ZNF324B: variants seen among roughly 807,000 people sequenced by gnomAD.
ZNF324B encodes the protein zinc finger protein 324B.
Under a neutral mutation model 10.6 loss-of-function variants are expected in ZNF324B, and 7 were observed. The observed-to-expected ratio is 0.66, with a 90% CI of 0.38 to 1.24. The LOEUF is 1.24. Ranked by LOEUF, ZNF324B falls within the 50% of genes most tolerant of loss-of-function variation. The pLI is 0.02. For missense variants in ZNF324B, 640 were observed against 764.7 expected (o/e 0.84, Z 1.92); for synonymous variants, 316 against 321.0 (o/e 0.98, Z 0.17).
At chr19:58,450,367 A>T (rs1377841891), upstream of ZNF324B, among the ~76,000 whole-genome samples, 1 of 151,888 alleles carries the variant, frequency 6.6e-6, no homozygotes, top group Admixed American at 6.6e-5. Context: ...TGGGAGGCTG[A>T]AGTTGGAGGA....
chr19:58,435,350 G>A, the ZNF324B span: 2 of 934,584 alleles, frequency 2.1e-6, no homozygotes, highest in Admixed American at 2.9e-5. Context: ...CATCATCAGG[G>A]TGAAGAAGGG....
At chr19:58,432,962 G>C in the ZNF324B span, 1 of 170,722 alleles carries the variant, frequency 5.9e-6, no homozygotes, top group Non-Finnish European at 1.2e-5. Flanking sequence ...ATCTTCCTGA[G>C]CTCAAATTAG....
the ZNF324B span, chr19:58,434,898 G>A: frequency 6.2e-7 from 1 of 1,614,162 alleles, no homozygotes; most frequent in Admixed American, 1.7e-5. Context: ...GGACTTTAGA[G>A]CTCTTCATAA....
intron 1 of ZNF324B, chr19:58,453,400 A>G (rs2052881077): frequency 2.0e-6 from 1 of 495,616 alleles, no homozygotes; most frequent in Non-Finnish European, 3.7e-6. Flanking sequence ...CTGAGTCACG[A>G]GTGGATATTT....
chr19:58,422,200 A>C, the ZNF324B span, among the ~76,000 whole-genome samples: 2 of 152,174 alleles, frequency 1.3e-5, no homozygotes, highest in African/African-American at 4.8e-5. Context: ...TACAGGCATG[A>C]GCAGTTGATC....
the ZNF324B span, among the ~76,000 whole-genome samples, chr19:58,428,467 G>A: frequency 6.6e-6 from 1 of 152,150 alleles, no homozygotes; most frequent in African/African-American, 2.4e-5. Flanking sequence ...AAGAGGGACA[G>A]ACCTGCTTGG....
chr19:58,435,142 AC>A, the ZNF324B span: 103 of 1,614,044 alleles, frequency 6.4e-5, no homozygotes, highest in Non-Finnish European at 7.5e-5. Context: ...AGGGATCCTG[AC>A]CTGTAACACT....
the ZNF324B span, chr19:58,433,410 G>T: frequency 1.2e-6 from 2 of 1,614,098 alleles, no homozygotes; most frequent in Non-Finnish European, 1.7e-6. Context: ...TCCTTTCTCT[G>T]GTGTGAACTT....
At chr19:58,438,552 C>A in the ZNF324B span, among the ~76,000 whole-genome samples, 1 of 149,464 alleles carries the variant, frequency 6.7e-6, no homozygotes. Context: ...TGGCTCACTG[C>A]AAGCTCCGCC....
chr19:58,423,826 C>T, the ZNF324B span, among the ~76,000 whole-genome samples: 7 of 152,056 alleles, frequency 4.6e-5, no homozygotes, highest in African/African-American at 1.7e-4. Context: ...AGGATACCCT[C>T]TTCAATAAAT....
At chr19:58,448,391 C>G (rs1244074719), upstream of ZNF324B, among the ~76,000 whole-genome samples, 3 of 152,164 alleles carry the variant, frequency 2.0e-5, no homozygotes, top group Non-Finnish European at 4.4e-5. Flanking sequence ...TTTGCCCCTG[C>G]TGTAGAGATT....
the ZNF324B span, chr19:58,440,072 C>T: frequency 2.0e-6 from 1 of 512,510 alleles, no homozygotes; most frequent in Non-Finnish European, 3.4e-6. Flanking sequence ...GGTGACGGTC[C>T]CTGCACCCAC....
the ZNF324B span, chr19:58,437,112 T>C: frequency 1.2e-6 from 2 of 1,614,140 alleles, no homozygotes; most frequent in Non-Finnish European, 1.7e-6. Context: ...CTGGGCTGCA[T>C]CAAGGAGCTC....
chr19:58,438,724 C>G, the ZNF324B span, among the ~76,000 whole-genome samples: 18 of 151,356 alleles, frequency 1.2e-4, no homozygotes, highest in African/African-American at 4.1e-4. Context: ...CCACCTGCCT[C>G]GGCCTCCCAA....
At chr19:58,437,784 C>T in the ZNF324B span, 5 of 985,342 alleles carry the variant, frequency 5.1e-6, no homozygotes, top group South Asian at 1.9e-4. Flanking sequence ...CTCCAAAAAC[C>T]CCACTGCAAG....
chr19:58,433,607 T>A, the ZNF324B span: 1 of 1,614,068 alleles, frequency 6.2e-7, no homozygotes, highest in Non-Finnish European at 8.5e-7. Context: ...CAAATAAGGC[T>A]GGATTTTCGG....
the ZNF324B span, among the ~76,000 whole-genome samples, chr19:58,446,247 T>C: frequency 6.6e-6 from 1 of 152,102 alleles, no homozygotes; most frequent in Non-Finnish European, 1.5e-5. Flanking sequence ...TGGCCCTGCA[T>C]GTGGAGAAGC....
the ZNF324B span, among the ~76,000 whole-genome samples, chr19:58,419,566 GT>G: frequency 6.6e-6 from 1 of 152,212 alleles, no homozygotes; most frequent in African/African-American, 2.4e-5. Context: ...CAAGGTCACT[GT>G]CAGCAAATAA....
At chr19:58,434,851 C>A in the ZNF324B span, 1 of 1,614,002 alleles carries the variant, frequency 6.2e-7, no homozygotes, top group East Asian at 2.2e-5. Context: ...GATGACCTTC[C>A]CACCTTCCCT....
Sources: gnomAD v4.1 joint callset for allele counts (sites outside exome capture counted in the v4.1 genomes callset) on GRCh38, gnomAD v4.1.1 for gene constraint, MANE v1.5 for transcripts, NCBI Gene and HGNC (gene_info 2026-07-23, HGNC 2026-07-21) for gene names.